STAU2: variants seen among roughly 807,000 people sequenced by gnomAD.
STAU2 encodes the protein staufen double-stranded RNA binding protein 2.
A neutral mutation model predicts 65.9 loss-of-function variants in STAU2; 20 were observed. The ratio of observed to expected loss-of-function variants is 0.30; its 90% CI spans 0.21 to 0.44. The LOEUF (loss-of-function observed/expected upper bound fraction) is 0.44, where lower values mean the gene tolerates loss of function less well. Among genes scored for constraint, STAU2 ranks in the 20% least tolerant of loss-of-function variants. STAU2 has a pLI of 1.00. For synonymous variants in STAU2, 232 were observed against 233.9 expected (o/e 0.99, Z 0.07); for missense variants, 558 against 683.9 (o/e 0.82, Z 2.05).
intron 5 of STAU2, chr8:73,675,368 T>TACACAC (rs1427282407): frequency 1.3e-5 from 1 of 74,642 alleles, no homozygotes; most frequent in Non-Finnish European, 2.6e-5. Context: ...GACATACATG[T>TACACAC]ATACACACAC....
At position 73,696,051 on chromosome 8, in the gene STAU2, C is replaced by T. The variant is rs180975645; in HGVS notation, c.115-7238G>A. Among the ~76,000 whole-genome samples the T allele has an allele frequency of 6.8e-3, 1,040 of 152,298 alleles. 11 individuals are homozygous for T. The highest frequency in any genetic ancestry group is 0.011 in the Non-Finnish European group (782 of 68,030). On this transcript the variant is annotated intron_variant, in intron 4 of 14. Coordinates refer to ENST00000524300, the MANE Select transcript of STAU2 (RefSeq NM_001164380.2). ...GATGACCACAGAGGTGCCTGCATCACCACACCCCCAATTCCAAGTGGCTTA... is the reference window on the plus strand; with the variant it reads ...GATGACCACAGAGGTGCCTGCATCATCACACCCCCAATTCCAAGTGGCTTA...
chr8:73,725,341 ACCTT>A (rs1267134239), intron 3 of STAU2, among the ~76,000 whole-genome samples: 1 of 152,236 alleles, frequency 6.6e-6, no homozygotes, highest in Non-Finnish European at 1.5e-5. Context: ...TACACAGCCT[ACCTT>A]CAAATATCAT....
At chr8:73,687,170 T>C (rs1192640656) in intron 5 of STAU2, among the ~76,000 whole-genome samples, 2 of 142,714 alleles carry the variant, frequency 1.4e-5, no homozygotes, top group African/African-American at 2.6e-5. Flanking sequence ...TATAATTATG[T>C]ATAATTATAT....
At chr8:73,599,339 AGAG>A (rs1811452375) in intron 10 of STAU2, among the ~76,000 whole-genome samples, 1 of 152,208 alleles carries the variant, frequency 6.6e-6, no homozygotes, top group African/African-American at 2.4e-5. Context: ...TCACAACACA[AGAG>A]GAGGTATTTA....
chr8:73,447,780 A>G (rs969970964), intron 13 of STAU2, among the ~76,000 whole-genome samples: 11 of 152,172 alleles, frequency 7.2e-5, no homozygotes, highest in Non-Finnish European at 5.9e-5. Flanking sequence ...GAAAGTTAGC[A>G]GTCGTTTTCC....
At chr8:73,646,114 C>A (rs748726608) in intron 6 of STAU2, among the ~76,000 whole-genome samples, 1 of 151,968 alleles carries the variant, frequency 6.6e-6, no homozygotes, top group Non-Finnish European at 1.5e-5. Flanking sequence ...TTTTTAATTA[C>A]CTAGAACTAA....
At chr8:73,473,846 G>A (rs1820172371) in intron 13 of STAU2, among the ~76,000 whole-genome samples, 1 of 152,222 alleles carries the variant, frequency 6.6e-6, no homozygotes, top group Admixed American at 6.5e-5. Context: ...AGGATGGCAG[G>A]CAGAAAGCGG....
chr8:73,538,064 A>AT (rs1338504518), intron 13 of STAU2, among the ~76,000 whole-genome samples: 1 of 152,222 alleles, frequency 6.6e-6, no homozygotes, highest in African/African-American at 2.4e-5. Context: ...TAAGATTGTG[A>AT]AAGACCAAAG....
chr8:73,543,892 T>G (rs1806722089), intron 13 of STAU2, among the ~76,000 whole-genome samples: 1 of 152,228 alleles, frequency 6.6e-6, no homozygotes, highest in Non-Finnish European at 1.5e-5. Flanking sequence ...CAAATCTGTA[T>G]GTACCATGTT....
At chr8:73,670,492 G>C (rs892161426) in intron 6 of STAU2, 4 of 152,034 alleles carry the variant, frequency 2.6e-5, no homozygotes, top group African/African-American at 9.7e-5. Context: ...CTCTACAGAG[G>C]TGAGGTATAT....
chr8:73,656,250 T>C, intron 6 of STAU2, among the ~76,000 whole-genome samples: 1 of 152,234 alleles, frequency 6.6e-6, no homozygotes, highest in East Asian at 1.9e-4. Context: ...GTATAATCAC[T>C]AAGAAATGTA....
Position 73,427,515 on chromosome 8 carries a change from C to T in STAU2, c.1531-4813G>A, listed in dbSNP as rs77926422. Among the ~76,000 whole-genome samples the T allele has an allele frequency of 3.9e-3, 587 of 152,340 alleles. 3 individuals carry two copies. Among genetic ancestry groups the T allele is most frequent in the Non-Finnish European group, 6.8e-3 (464 of 68,030 alleles). On this transcript the variant is annotated intron_variant, in intron 13 of 14. Transcript: ENST00000524300. ...GGTTTGGACAGTTCTCCCCACCCTC[C>T]CTGCAAGAAAGGAATTCACAGAGGA... is the stretch of plus-strand genomic sequence containing the variant.
chr8:73,741,177 C>T (rs1363076551), intron 1 of STAU2, among the ~76,000 whole-genome samples: 2 of 142,210 alleles, frequency 1.4e-5, no homozygotes, highest in Admixed American at 7.1e-5. Flanking sequence ...TGGTGGCGGG[C>T]GCCTGTAGTC....
intron 12 of STAU2, among the ~76,000 whole-genome samples, chr8:73,568,876 G>C (rs1475892949): frequency 6.6e-6 from 1 of 152,148 alleles, no homozygotes; most frequent in Non-Finnish European, 1.5e-5. Flanking sequence ...TGGCCAGATA[G>C]GAACAGCTCC....
intron 6 of STAU2, among the ~76,000 whole-genome samples, chr8:73,635,532 A>T (rs1455396711): frequency 6.6e-6 from 1 of 152,158 alleles, no homozygotes; most frequent in African/African-American, 2.4e-5. Flanking sequence ...AAATATTAGA[A>T]ATAAAAATCT....
intron 13 of STAU2, among the ~76,000 whole-genome samples, chr8:73,433,200 CATTT>C (rs965766810): frequency 2.1e-4 from 32 of 152,056 alleles, no homozygotes; most frequent in African/African-American, 7.2e-4. Context: ...TGGGTTTTGT[CATTT>C]ATTTATTTAT....
At chr8:73,716,018 G>A (rs1156998209) in intron 3 of STAU2, among the ~76,000 whole-genome samples, 3 of 151,032 alleles carry the variant, frequency 2.0e-5, no homozygotes, top group Admixed American at 6.6e-5. Context: ...AAGCTCAAGC[G>A]ATTCTTCTGC....
chr8:73,482,069 G>C (rs1268803983), intron 13 of STAU2, among the ~76,000 whole-genome samples: 1 of 152,056 alleles, frequency 6.6e-6, no homozygotes, highest in Non-Finnish European at 1.5e-5. Flanking sequence ...GGTTTATACT[G>C]TTTGAGCGCC....
At chr8:73,484,711 G>A (rs1261520603) in intron 13 of STAU2, among the ~76,000 whole-genome samples, 1 of 151,976 alleles carries the variant, frequency 6.6e-6, no homozygotes, top group Non-Finnish European at 1.5e-5. Context: ...CTTTTCCCTA[G>A]AAGAAATGAC....
Sources: allele counts gnomAD v4.1 joint callset (sites outside exome capture counted in the v4.1 genomes callset), GRCh38; gene constraint gnomAD v4.1.1; transcripts MANE v1.5; gene names NCBI Gene and HGNC (gene_info 2026-07-23, HGNC 2026-07-21).